The following DAAM1 variants were observed in gnomAD, a reference collection of about 807,000 sequenced individuals.
DAAM1 encodes dishevelled associated activator of morphogenesis 1, also known as disheveled-associated activator of morphogenesis 1.
Under a neutral mutation model 130.0 loss-of-function variants are expected in DAAM1, and 52 were observed. The observed-to-expected ratio is 0.40, with a 90% CI of 0.32 to 0.50. The LOEUF is 0.50. Among genes scored for constraint, DAAM1 ranks in the 20% least tolerant of loss-of-function variants. The pLI, the probability that DAAM1 is intolerant of heterozygous loss-of-function variation, is 0.61. For missense variants in DAAM1, 1,134 were observed against 1,303.8 expected, an observed-to-expected ratio of 0.87 and a Z score of 2.01; for synonymous variants, 452 against 444.5, an observed-to-expected ratio of 1.02 and a Z score of -0.21.
intron 1 of DAAM1, among the ~76,000 whole-genome samples, chr14:59,247,939 TA>T (rs1280373278): frequency 6.6e-6 from 1 of 152,222 alleles, no homozygotes; most frequent in Non-Finnish European, 1.5e-5. Context: ...AAAGATTTTT[TA>T]ATTGAGTGTA....
chr14:59,349,571 A>G (rs1249239924), intron 17 of DAAM1, among the ~76,000 whole-genome samples: 2 of 152,152 alleles, frequency 1.3e-5, no homozygotes, highest in Non-Finnish European at 1.5e-5. Flanking sequence ...TTCCCAGACA[A>G]GTGTTGATGC....
intron 18 of DAAM1, 131 bp from the exon 19 acceptor site, chr14:59,353,745 A>G (rs1036160423): frequency 1.3e-6 from 1 of 778,252 alleles, no homozygotes. Flanking sequence ...GAGAACAACT[A>G]ATGTATGTGT....
intron 1 of DAAM1, among the ~76,000 whole-genome samples, chr14:59,228,887 A>G (rs1019003002): frequency 1.3e-5 from 2 of 152,222 alleles, no homozygotes; most frequent in African/African-American, 4.8e-5. Flanking sequence ...GTGGCAGTCC[A>G]TTGGTAGAAT....
intron 1 of DAAM1, among the ~76,000 whole-genome samples, chr14:59,192,176 G>GTGTGTGTGTGTGTGTGTGTGTGTT (rs2139377153): frequency 6.6e-6 from 1 of 151,426 alleles, no homozygotes; most frequent in East Asian, 1.9e-4. Context: ...GTGTGTGTGT[G>GTGTGTGTGTGTGTGTGTGTGTGTT]TGTGTGTGTG....
At chr14:59,202,862 A>G (rs1425465673) in intron 1 of DAAM1, among the ~76,000 whole-genome samples, 1 of 152,154 alleles carries the variant, frequency 6.6e-6, no homozygotes, top group Non-Finnish European at 1.5e-5. Context: ...CAAATCTTCT[A>G]CCTCCTGTTC....
intron 1 of DAAM1, among the ~76,000 whole-genome samples, chr14:59,213,955 A>C (rs1197838572): frequency 6.6e-6 from 1 of 152,214 alleles, no homozygotes; most frequent in Non-Finnish European, 1.5e-5. Context: ...CTTGTTTCTC[A>C]GCAGTGGTCA....
intron 16 of DAAM1, among the ~76,000 whole-genome samples, chr14:59,346,154 C>T (rs1886074599): frequency 7.0e-6 from 1 of 143,340 alleles, no homozygotes. Context: ...GGGGGGGGTG[C>T]CTGGAGGGAT....
intron 23 of DAAM1, among the ~76,000 whole-genome samples, chr14:59,364,224 T>C (rs1566510992): frequency 6.6e-6 from 1 of 152,242 alleles, no homozygotes; most frequent in Non-Finnish European, 1.5e-5. Flanking sequence ...TGTTGTAATA[T>C]GCTCATCTGA....
intron 2 of DAAM1, among the ~76,000 whole-genome samples, chr14:59,276,392 C>T (rs1258387717): frequency 1.3e-5 from 2 of 152,190 alleles, no homozygotes; most frequent in Admixed American, 6.5e-5. Flanking sequence ...CTTTAGGTCA[C>T]AGCTTCTTCC....
rs549622638 is a variant in DAAM1 at position 59,315,595 on chromosome 14, T to A, written c.345+244T>A. On this transcript the variant is annotated intron_variant, in intron 4 of 24. Coordinates refer to ENST00000360909, the MANE Select transcript of DAAM1 (RefSeq NM_001270520.2). ...TGCAATATAATTGAGTTTAATGTTGTAAGTGAAAATGTAGTTTGAAATCTG... is the reference window on the plus strand; with the variant it reads ...TGCAATATAATTGAGTTTAATGTTGAAAGTGAAAATGTAGTTTGAAATCTG... Among the ~76,000 whole-genome samples, 3 of 152,352 alleles carry A rather than the reference T, an allele frequency of 2.0e-5. No homozygotes were observed. In the South Asian group the frequency reaches 6.2e-4, roughly 32 times the overall value.
At chr14:59,337,722 C>T (rs899490699) in intron 15 of DAAM1, among the ~76,000 whole-genome samples, 1 of 152,146 alleles carries the variant, frequency 6.6e-6, no homozygotes, top group Non-Finnish European at 1.5e-5. Flanking sequence ...GACAGGGCCA[C>T]GAATGGCTGC....
intron 12 of DAAM1, among the ~76,000 whole-genome samples, chr14:59,330,191 T>C (rs1438212850): frequency 6.6e-6 from 1 of 152,196 alleles, no homozygotes; most frequent in Non-Finnish European, 1.5e-5. Context: ...CTGAATCAAC[T>C]ACCAAACAGT....
chr14:59,325,933 A>G, intron 9 of DAAM1, 27 bp from the exon 10 acceptor site: 1 of 1,605,940 alleles, frequency 6.2e-7, no homozygotes, highest in South Asian at 1.1e-5. Context: ...TAGATGTTTG[A>G]TTTGATTTCT....
At chr14:59,278,580 A>G (rs1055423370) in intron 2 of DAAM1, among the ~76,000 whole-genome samples, 1 of 152,198 alleles carries the variant, frequency 6.6e-6, no homozygotes. Flanking sequence ...AGAGGACACT[A>G]CTATACTTTT....
intron 19 of DAAM1, among the ~76,000 whole-genome samples, chr14:59,354,457 C>G (rs923206974): frequency 2.6e-5 from 4 of 152,132 alleles, no homozygotes; most frequent in African/African-American, 7.2e-5. Flanking sequence ...GCCCTAGTCT[C>G]GGAGCTCACA....
intron 22 of DAAM1, among the ~76,000 whole-genome samples, chr14:59,361,961 A>G (rs1395217499): frequency 2.2e-5 from 3 of 137,876 alleles, no homozygotes; most frequent in Non-Finnish European, 4.8e-5. Context: ...AATAAAAATT[A>G]AAGTCACAAT....
intron 3 of DAAM1, among the ~76,000 whole-genome samples, chr14:59,311,350 G>A (rs1884582313): frequency 6.6e-6 from 1 of 152,092 alleles, no homozygotes; most frequent in African/African-American, 2.4e-5. Context: ...ATTTGCTGTG[G>A]GAGGTGGAGG....
At chr14:59,234,820 G>A (rs1889238237) in intron 1 of DAAM1, among the ~76,000 whole-genome samples, 1 of 151,990 alleles carries the variant, frequency 6.6e-6, no homozygotes, top group Admixed American at 6.6e-5. Context: ...GTTTATGAGA[G>A]TTTTTAGCTT....
At chr14:59,328,096 C>T (rs551206320) in intron 12 of DAAM1, among the ~76,000 whole-genome samples, 2 of 152,300 alleles carry the variant, frequency 1.3e-5, no homozygotes, top group South Asian at 4.2e-4. Context: ...ATAGCATTCA[C>T]CCCAATATTT....
Sources: allele counts gnomAD v4.1 joint callset (sites outside exome capture counted in the v4.1 genomes callset), GRCh38; gene constraint gnomAD v4.1.1; transcripts MANE v1.5; gene names NCBI Gene and HGNC (gene_info 2026-07-23, HGNC 2026-07-21).